Variants in ZNF347 observed in about 807,000 individuals in gnomAD.
The protein encoded by ZNF347 is CTD-2620I22.7.
Under a neutral mutation model 12.9 loss-of-function variants are expected in ZNF347, and 19 were observed. The ratio of observed to expected loss-of-function variants is 1.47; its 90% CI spans 1.03 to 2.16. The LOEUF (loss-of-function observed/expected upper bound fraction) is 2.16. Among genes scored for constraint, ZNF347 ranks in the 30% most tolerant of loss-of-function variants. The probability of loss-of-function intolerance (pLI) is 0.00; values close to 1 mark genes in which losing one functional copy is unlikely to be tolerated. For missense variants in ZNF347, 1,005 were observed against 990.6 expected (o/e 1.01, Z -0.19); for synonymous variants, 328 against 340.6 (o/e 0.96, Z 0.41).
chr19:53,142,617 C>A, intron 4 of ZNF347, 61 bp from the exon 5 acceptor site: 1 of 1,274,528 alleles, frequency 7.8e-7, no homozygotes, highest in Admixed American at 3.4e-5. Context: ...AAGTATTTTA[C>A]ACCGAAAAAC....
chr19:53,151,655 A>G lies in ZNF347; in HGVS notation c.15+2078T>C, dbSNP rs567520671. Among the ~76,000 whole-genome samples, 3 of 152,334 alleles carry G rather than the reference A, an allele frequency of 2.0e-5. No individual in the cohort carries two copies. The East Asian group carries it at 5.8e-4, about 29-fold the overall frequency. ...ATGGAACTTCATAAAAGGTAATTAC[A>G]TATATACACACATCTATTTATGCCC... On this transcript the variant is annotated intron_variant, in intron 2 of 4. Coordinates refer to ENST00000334197, the MANE Select transcript of ZNF347 (RefSeq NM_032584.3).
chr19:53,145,516 C>G (rs1385391396), intron 4 of ZNF347, among the ~76,000 whole-genome samples: 5 of 151,754 alleles, frequency 3.3e-5, no homozygotes, highest in South Asian at 4.2e-4. Context: ...CCTCAGCCCC[C>G]CAAGTAGCAG....
At chr19:53,149,513 C>T (rs1251873126) in intron 2 of ZNF347, 146 bp from the exon 3 acceptor site, 1 of 1,420,172 alleles carries the variant, frequency 7.0e-7, no homozygotes, top group Non-Finnish European at 9.3e-7. Context: ...GTCTTCATCC[C>T]CCTTTCCTGA....
Position 53,148,676 on chromosome 19 carries a change from C to G in ZNF347, c.271+5G>C. 6.2e-7 allele frequency: 1 copy of G among 1,612,014 alleles called. No homozygotes were observed. The highest frequency in any genetic ancestry group is 8.5e-7 in the Non-Finnish European group (1 of 1,178,926). On this transcript the variant is annotated splice_donor_5th_base_variant and intron_variant, in intron 4 of 4. Transcript: ENST00000334197. ...GGCATTTTCTCTACCCATCTGAACTCTTACCTGTGATCACAGCTTTGATCC... is the reference window on the plus strand; with the variant it reads ...GGCATTTTCTCTACCCATCTGAACTGTTACCTGTGATCACAGCTTTGATCC...
Position 53,148,768 on chromosome 19 carries a change from G to A in ZNF347, c.184C>T (p.Gln62Ter). ...FDLSIISMLEQGKEPFTLESQ... is the reference protein window; with the variant it reads ...FDLSIISMLE ...TCCAAAGTGAAAGGCTCCTTCCCTT[G>A]CTCCAACATAGAGATAATACTGAGG... The change falls in exon 4 of 5, where the codon CAA becomes TAA. Residue 62 changes from glutamine to a stop codon, truncating the protein, a stop_gained. Coordinates refer to ENST00000334197, the MANE Select transcript of ZNF347 (RefSeq NM_032584.3). LOFTEE classifies it high-confidence loss of function. 6.2e-7 allele frequency: 1 copy of A among 1,613,868 alleles called. No homozygotes were observed. The highest frequency in any genetic ancestry group is 8.5e-7 in the Non-Finnish European group (1 of 1,179,962).
rs112032302 is a variant in ZNF347, at chr19:53,142,615, T to G, written c.272-59A>C. On this transcript the variant is annotated intron_variant, in intron 4 of 4. Coordinates refer to ENST00000334197, the MANE Select transcript of ZNF347 (RefSeq NM_032584.3). ...AATTGTAGTACGTAAACAAGTATTT[T>G]ACACCGAAAAACAATATTACACCGA... 4,196 of 1,314,426 alleles carry G rather than the reference T, an allele frequency of 3.2e-3. 78 individuals are homozygous for G. The African/African-American group carries it at 0.046, about 14-fold the overall frequency. The allele number at this position is 1,314,426 out of a possible 1,614,324, so 81.4% of individuals were successfully genotyped here.
chr19:53,149,053 T>C, intron 3 of ZNF347, 188 bp downstream of exon 3: 1 of 1,289,304 alleles, frequency 7.8e-7, no homozygotes, highest in Non-Finnish European at 1.0e-6. Flanking sequence ...TTAAAAGTCC[T>C]GAAACCCTCC....
Position 53,135,914 on chromosome 19 carries a change from T to C in ZNF347, c.*4394A>G, listed in dbSNP as rs1483179409. On this transcript the variant is annotated 3_prime_UTR_variant, in exon 5 of 5. Coordinates refer to ENST00000334197, the MANE Select transcript of ZNF347 (RefSeq NM_032584.3). ...AGGGGAGTATATTAAATGGCAGCTG[T>C]CATTGCAAAAGTTGCACAAATATCA... The C allele has an allele frequency of 6.6e-6, 1 of 152,090 alleles. No homozygotes were observed. The highest frequency in any genetic ancestry group is 1.5e-5 in the Non-Finnish European group (1 of 68,026). The allele number at this position is 152,090 out of a possible 1,614,324, so 9.4% of individuals were successfully genotyped here. A position where few individuals can be genotyped will look rare whatever the true frequency, so the allele number is the denominator to read the frequency against.
intron 1 of ZNF347, among the ~76,000 whole-genome samples, chr19:53,154,869 A>C (rs1568644604): frequency 6.6e-6 from 1 of 151,810 alleles, no homozygotes; most frequent in Non-Finnish European, 1.5e-5. Flanking sequence ...AAAAAATTGT[A>C]GTGTATTGTG....
chr19:53,143,731 G>C (rs2090444672), intron 4 of ZNF347, among the ~76,000 whole-genome samples: 1 of 152,018 alleles, frequency 6.6e-6, no homozygotes, highest in Non-Finnish European at 1.5e-5. Context: ...ATAATCCTTT[G>C]GGTATATACC....
At chr19:53,145,828 T>C (rs866498043) in intron 4 of ZNF347, among the ~76,000 whole-genome samples, 1 of 151,472 alleles carries the variant, frequency 6.6e-6, no homozygotes, top group African/African-American at 2.4e-5. Context: ...AAACACCTAA[T>C]GATACAACTC....
At chr19:53,142,739 TGTTTAATAAA>T (rs1377276099) in intron 4 of ZNF347, among the ~76,000 whole-genome samples, 183 bp from the exon 5 acceptor site, 1 of 152,194 alleles carries the variant, frequency 6.6e-6, no homozygotes, top group Non-Finnish European at 1.5e-5. Flanking sequence ...GAAAGAGGAT[TGTTTAATAAA>T]GTTGATTCCA....
chr19:53,153,972 G>A (rs1452416512), intron 1 of ZNF347, among the ~76,000 whole-genome samples, 179 bp from the exon 2 acceptor site: 1 of 152,164 alleles, frequency 6.6e-6, no homozygotes, highest in African/African-American at 2.4e-5. Flanking sequence ...GCAGGGACAA[G>A]AAGCTCCTAT....
Position 53,138,804 on chromosome 19 carries a change from G to GT in ZNF347, c.*1503dup, listed in dbSNP as rs1157848526. 3.3e-5 allele frequency: 5 copies of GT among 152,096 alleles called. No homozygotes were observed. The highest frequency in any genetic ancestry group is 9.7e-5 in the African/African-American group (4 of 41,426). 9.4% of individuals were successfully genotyped at this position (152,096 alleles called of 1,614,324 possible). ...GTACAAAGAATGTGATTTGTTTATAGTTATAAGAAAACGTTGAATTTTTTT... is the reference window on the plus strand; with the variant it reads ...GTACAAAGAATGTGATTTGTTTATAGTTTATAAGAAAACGTTGAATTTTTTT... On this transcript the variant is annotated 3_prime_UTR_variant, in exon 5 of 5. Transcript: ENST00000334197.
intron 2 of ZNF347, among the ~76,000 whole-genome samples, chr19:53,152,413 C>A (rs548683058): frequency 6.6e-6 from 1 of 150,618 alleles, no homozygotes; most frequent in African/African-American, 2.4e-5. Flanking sequence ...TTGGGACCAG[C>A]CTGGCCAACA....
At chr19:53,151,560 A>G (rs2090498359) in intron 2 of ZNF347, among the ~76,000 whole-genome samples, 2 of 151,276 alleles carry the variant, frequency 1.3e-5, no homozygotes, top group Non-Finnish European at 2.9e-5. Context: ...AAAAAAAATC[A>G]AATAGTTAAG....
intron 2 of ZNF347, among the ~76,000 whole-genome samples, chr19:53,152,149 T>TCACATA (rs1370738423): frequency 1.3e-5 from 2 of 150,446 alleles, no homozygotes; most frequent in Non-Finnish European, 3.0e-5. Context: ...CGCACTCACG[T>TCACATA]CACATATACA....
chr19:53,147,663 C>T (rs903287235), intron 4 of ZNF347, among the ~76,000 whole-genome samples: 2 of 152,072 alleles, frequency 1.3e-5, no homozygotes, highest in Non-Finnish European at 1.5e-5. Flanking sequence ...TATTTCCAAA[C>T]TCATTTTATC....
chr19:53,141,338 T>A lies in ZNF347; in HGVS notation c.1490A>T (p.His497Leu). The A allele has an allele frequency of 1.2e-6, 2 of 1,613,594 alleles. No individual in the cohort carries two copies. Among genetic ancestry groups the A allele is most frequent in the South Asian group, 2.2e-5 (2 of 91,054 alleles). Residue 497 changes from histidine to leucine, a missense_variant, in exon 5 of 5, where the codon CAT (histidine) becomes CTT (leucine). Physicochemically the swap from His to Leu is moderately conservative, Grantham distance 99 (BLOSUM62 -3). Coordinates refer to ENST00000334197, the MANE Select transcript of ZNF347 (RefSeq NM_032584.3). ...GACCTGATGGGTAGTTAGGTTTGAA[T>A]GTGCTCTAAAGGCTTTGCCACACTC... ...CNECGKAFRAHSNLTTHQVIH... is the reference protein window; with the variant it reads ...CNECGKAFRALSNLTTHQVIH...
Sources: allele counts gnomAD v4.1 joint callset (sites outside exome capture counted in the v4.1 genomes callset), GRCh38; gene constraint gnomAD v4.1.1; transcripts MANE v1.5; gene names NCBI Gene and HGNC (gene_info 2026-07-23, HGNC 2026-07-21).